DMD: variants seen among roughly 807,000 people sequenced by gnomAD.
The protein encoded by DMD is mutant dystrophin.
DMD carries 63 observed loss-of-function variants against 330.1 expected under a neutral mutation model. The ratio of observed to expected loss-of-function variants is 0.19; its 90% confidence interval spans 0.16 to 0.24. The LOEUF is 0.24. Ranked by LOEUF, DMD falls within the 10% of genes least tolerant of loss-of-function variation. The pLI, the probability that DMD is intolerant of heterozygous loss-of-function variation, is 1.00. For missense variants in DMD, 3,344 were observed against 2,684.1 expected (o/e 1.25, Z -5.43); for synonymous variants, 1,223 against 959.8 (o/e 1.27, Z -5.07).
chrX:31,177,425 C>T (rs2040631706), intron 71 of DMD, among the ~76,000 whole-genome samples: 1 of 111,348 alleles, frequency 9.0e-6, no homozygotes, highest in East Asian at 2.8e-4. Flanking sequence ...ACAGTCCGCA[C>T]ACCTCATTAA....
At chrX:31,711,823 A>C (rs998227122) in intron 52 of DMD, among the ~76,000 whole-genome samples, 1 of 111,399 alleles carries the variant, frequency 9.0e-6, no homozygotes, top group Non-Finnish European at 1.9e-5. Flanking sequence ...AGTCAGACTG[A>C]AGTTCAATAT....
intron 61 of DMD, among the ~76,000 whole-genome samples, chrX:31,340,242 T>C (rs2057654788): frequency 8.9e-6 from 1 of 112,528 alleles, no homozygotes; most frequent in Admixed American, 9.4e-5. Context: ...AGTTATTTCT[T>C]TTTACAGTGT....
intron 52 of DMD, among the ~76,000 whole-genome samples, chrX:31,720,963 C>T (rs1328727246): frequency 9.0e-6 from 1 of 111,346 alleles, no homozygotes; most frequent in Non-Finnish European, 1.9e-5. Context: ...GGAAAACATT[C>T]ATTTCATGAT....
chrX:31,679,536 G>C lies in DMD; in HGVS notation c.7711C>G (p.Arg2571Gly). The C allele has an allele frequency of 8.3e-7, 1 of 1,211,219 alleles. No individual in the cohort carries two copies. The highest frequency in any genetic ancestry group is 1.1e-6 in the Non-Finnish European group (1 of 895,217). ...AACATTTCATTCAACTGTTGCCTCC[G>C]GTTCTGAAGGTGTTCTTGTACTTCA... ...WDEVQEHLQNRRQQLNEMLKD... is the reference protein window; with the variant it reads ...WDEVQEHLQNGRQQLNEMLKD... Residue 2571 changes from arginine (R) to glycine (G), a missense_variant, in exon 53 of 79, where the codon CGG becomes GGG. Transcript: ENST00000357033.
At chrX:32,455,210 G>A (rs757949417) in intron 25 of DMD, among the ~76,000 whole-genome samples, 3 of 110,848 alleles carry the variant, frequency 2.7e-5, no homozygotes, top group Admixed American at 9.6e-5. Context: ...CTTTCATAAT[G>A]TTTTACTATT....
intron 17 of DMD, among the ~76,000 whole-genome samples, chrX:32,541,069 C>A (rs1474396859): frequency 9.0e-6 from 1 of 111,022 alleles, no homozygotes; most frequent in African/African-American, 3.3e-5. Context: ...ATGGCACTTG[C>A]CCAATAATAC....
At position 32,731,679 on chromosome X, in the gene DMD, C is replaced by T. The variant is rs186015648; in HGVS notation, c.650-32386G>A. ...TGACACCTCACACGGCAGGGTACTCCAACAGACCTGCAGCTGAGGGTCCTG... is the reference window on the plus strand; with the variant it reads ...TGACACCTCACACGGCAGGGTACTCTAACAGACCTGCAGCTGAGGGTCCTG... On this transcript the variant is annotated intron_variant, in intron 7 of 78. Transcript: ENST00000357033. Among the ~76,000 whole-genome samples the T allele has an allele frequency of 6.6e-3, 734 of 111,805 alleles. 5 individuals are homozygous for T. The highest frequency in any genetic ancestry group is 0.01 in the Non-Finnish European group (546 of 53,133).
At chrX:31,318,425 G>A (rs749481608) in intron 62 of DMD, among the ~76,000 whole-genome samples, 34 of 112,497 alleles carry the variant, frequency 3.0e-4, no homozygotes, top group Non-Finnish European at 6.0e-4. Context: ...AATTTTGTCA[G>A]CACAAACAGC....
In DMD at chrX:31,361,532, A is replaced by T. The variant is rs774841839; in HGVS notation, c.9085-12898T>A. The stretch of plus-strand genomic sequence containing the variant: ...GAAGTGAGACAGCAGTGAGGCCAGG[A>T]GCAATCTGGGAGGCATCAGAAAAGA... On this transcript the variant is annotated intron_variant, in intron 60 of 78. Transcript: ENST00000357033. Among the ~76,000 whole-genome samples the T allele has an allele frequency of 3.6e-5, 4 of 111,545 alleles. No homozygotes were observed. The South Asian group carries it at 1.1e-3, about 32-fold the overall frequency.
At chrX:32,273,314 G>A (rs73460097) in intron 43 of DMD, among the ~76,000 whole-genome samples, 5,124 of 110,099 alleles carry the variant, frequency 0.047, 293 homozygotes, top group African/African-American at 0.16. Context: ...AACAGGAGCC[G>A]GGTGCAGTGG....
At chrX:31,553,678 G>A (rs1301816208) in intron 55 of DMD, among the ~76,000 whole-genome samples, 1 of 112,259 alleles carries the variant, frequency 8.9e-6, no homozygotes, top group African/African-American at 3.2e-5. Context: ...TCATGTAATT[G>A]ACATTGCACC....
At position 33,188,447 on chromosome X, in the gene DMD, A is replaced by G. The variant is rs980119808; in HGVS notation, c.31+22835T>C. ...ACCAGTTGCTATTGTACTTCCCACA[A>G]AGGATCAATTTGCACTACAATCATA... On this transcript the variant is annotated intron_variant, in intron 1 of 78. Coordinates refer to ENST00000357033, the MANE Select transcript of DMD (RefSeq NM_004006.3). Among the ~76,000 whole-genome samples the G allele has an allele frequency of 4.5e-5, 5 of 110,317 alleles. No homozygotes were observed. In the South Asian group the frequency reaches 1.6e-3, roughly 35 times the overall value.
At chrX:32,871,664 A>T (rs1173988939) in intron 2 of DMD, among the ~76,000 whole-genome samples, 1 of 111,626 alleles carries the variant, frequency 9.0e-6, no homozygotes, top group Non-Finnish European at 1.9e-5. Flanking sequence ...ATTCCAAAGG[A>T]AATGTTTTTC....
Position 31,398,051 on chromosome X carries a change from AT to A in DMD, c.9084+46429del, listed in dbSNP as rs2061023822. The stretch of plus-strand genomic sequence containing the variant: ...AAAGAAAAAGAACTGAGCACTTACT[AT>A]GTGCAACACATATAGTATGTACTGT... On this transcript the variant is annotated intron_variant, in intron 60 of 78. Transcript: ENST00000357033. Among the ~76,000 whole-genome samples, 9 of 112,605 alleles carry A rather than the reference AT, an allele frequency of 8.0e-5. No homozygotes were observed. In the Admixed American group the frequency reaches 8.5e-4, roughly 11 times the overall value.
intron 59 of DMD, among the ~76,000 whole-genome samples, chrX:31,465,513 T>C (rs900771781): frequency 9.1e-6 from 1 of 110,304 alleles, no homozygotes. Context: ...GCTTCATCCA[T>C]GTCCCTGCCA....
In DMD at chrX:32,844,965, G is replaced by A. The variant is rs111498077; in HGVS notation, c.187-105C>T. 268 of 658,984 alleles carry A rather than the reference G, an allele frequency of 4.1e-4. 1 individual carries two copies. The African/African-American group carries it at 4.8e-3, about 12-fold the overall frequency. The allele number at this position is 658,984 out of a possible 1,213,427, so 54.3% of individuals were successfully genotyped here. A position where few individuals can be genotyped will look rare whatever the true frequency, so the allele number is the denominator to read the frequency against. Reference sequence around the variant, plus strand: ...ACTATTAAGCTTGAATATTGTAAACGAACAGAGCCTGTGAGGCATTAATAT... The same window carrying A: ...ACTATTAAGCTTGAATATTGTAAACAAACAGAGCCTGTGAGGCATTAATAT... On this transcript the variant is annotated intron_variant, in intron 3 of 78. Coordinates refer to ENST00000357033, the MANE Select transcript of DMD (RefSeq NM_004006.3).
In DMD at chrX:31,759,285, CAAA is replaced by C. The variant is rs34439135; in HGVS notation, c.7542+14672_7542+14674del. Among the ~76,000 whole-genome samples, 662 of 87,586 alleles carry C rather than the reference CAAA, an allele frequency of 7.6e-3. 2 individuals carry two copies. Among genetic ancestry groups the C allele is most frequent in the East Asian group, 0.052 (155 of 2,988 alleles). The allele number at this position is 87,586 out of a possible 115,157, so 76.1% of individuals were successfully genotyped here. ...TTCAGAGATGTCATCAAATAATTGA[CAAA>C]AAAAAAAAAAAGGATAAGAAAAAAG... is the stretch of plus-strand genomic sequence containing the variant. On this transcript the variant is annotated intron_variant, in intron 51 of 78. Coordinates refer to ENST00000357033, the MANE Select transcript of DMD (RefSeq NM_004006.3).
At chrX:33,308,623 T>A (rs1033748667) in intron 1 of DMD, among the ~76,000 whole-genome samples, 1 of 111,756 alleles carries the variant, frequency 8.9e-6, no homozygotes, top group African/African-American at 3.2e-5. Context: ...CTCTCCCCAA[T>A]TGAGTGTTTT....
chrX:32,163,842 AG>A (rs2096858482), intron 44 of DMD, among the ~76,000 whole-genome samples: 1 of 111,686 alleles, frequency 9.0e-6, no homozygotes. Flanking sequence ...AGATGAGTGA[AG>A]GGTACTCATG....
Sources: gnomAD v4.1 joint callset for allele counts (sites outside exome capture counted in the v4.1 genomes callset) on GRCh38, gnomAD v4.1.1 for gene constraint, MANE v1.5 for transcripts, NCBI Gene and HGNC (gene_info 2026-07-23, HGNC 2026-07-21) for gene names.